PREPL: variants seen among roughly 807,000 people sequenced by gnomAD.
The protein encoded by PREPL is prolyl endopeptidase like, also known as prolyl endopeptidase-like.
Under a neutral mutation model 70.6 loss-of-function variants are expected in PREPL, and 77 were observed. The observed-to-expected ratio is 1.09, with a 90% CI of 0.91 to 1.32. The LOEUF (loss-of-function observed/expected upper bound fraction) is 1.32, where lower values mean the gene tolerates loss of function less well. PREPL is among the 40% of genes most tolerant of loss of function. PREPL has a pLI of 0.00. For missense variants in PREPL, 1,002 were observed against 778.2 expected, an observed-to-expected ratio of 1.29 and a Z score of -3.42; for synonymous variants, 315 against 264.8, an observed-to-expected ratio of 1.19 and a Z score of -1.84.
intron 1 of PREPL, among the ~76,000 whole-genome samples, chr2:44,360,989 G>C (rs755836001): frequency 6.6e-6 from 1 of 152,140 alleles, no homozygotes; most frequent in Non-Finnish European, 1.5e-5. Context: ...TGGGCGATTG[G>C]GGGTAGGGGA....
chr2:44,356,187 A>T (rs1473738999), intron 1 of PREPL: 1 of 152,216 alleles, frequency 6.6e-6, no homozygotes, highest in East Asian at 1.9e-4. Flanking sequence ...TCCAATTTCT[A>T]AATTCAGGTC....
At chr2:44,321,520 C>T in intron 13 of PREPL, 75 bp from the exon 14 acceptor site, 2 of 1,558,636 alleles carry the variant, frequency 1.3e-6, no homozygotes, top group East Asian at 2.3e-5. Context: ...TTCTCTTTAT[C>T]TATCCATCTT....
rs770711385 is a variant in PREPL at position 44,320,450 on chromosome 2, T to G, written c.*906A>C. The G allele has an allele frequency of 2.5e-6, 4 of 1,614,130 alleles. No individual in the cohort carries two copies. Among genetic ancestry groups the G allele is most frequent in the Non-Finnish European group, 3.4e-6 (4 of 1,179,974 alleles). On this transcript the variant is annotated 3_prime_UTR_variant, in exon 14 of 14. Transcript: ENST00000409411. ...CCGCTAAAATGAGAATAAGGTTAAG[T>G]ACCAATTCTGCCGACAAAGGCAGTA...
intron 7 of PREPL, among the ~76,000 whole-genome samples, chr2:44,333,403 C>T (rs758300276): frequency 3.3e-5 from 5 of 152,072 alleles, no homozygotes; most frequent in Non-Finnish European, 7.4e-5. Flanking sequence ...GTTGACAGAG[C>T]GTTAGAAATG....
rs7586188 is a variant in PREPL, at chr2:44,317,816, G to A, written c.*3540C>T. On this transcript the variant is annotated 3_prime_UTR_variant, in exon 14 of 14. Transcript: ENST00000409411. ...TAACTACAAATAAAATAGGGCTTCC[G>A]AATTATGTCTAAATAATACAATAAT... is the stretch of plus-strand genomic sequence containing the variant. 97,829 of 158,434 alleles carry A rather than the reference G, an allele frequency of 0.62. 30,723 individuals carry two copies. Among genetic ancestry groups the A allele is most frequent in the Non-Finnish European group, 0.67 (47,916 of 71,868 alleles). The allele number at this position is 158,434 out of a possible 1,614,324, so 9.8% of individuals were successfully genotyped here. A position where few individuals can be genotyped will look rare whatever the true frequency, so the allele number is the denominator to read the frequency against.
At chr2:44,359,729 C>G in intron 1 of PREPL, 1 of 1,548,870 alleles carries the variant, frequency 6.5e-7, no homozygotes, top group Non-Finnish European at 8.9e-7. Context: ...ATCAAAGTCC[C>G]TGGTTTATGC....
intron 5 of PREPL, 85 bp downstream of exon 5, chr2:44,342,332 A>G (rs1675311104): frequency 8.0e-7 from 1 of 1,253,276 alleles, no homozygotes; most frequent in Non-Finnish European, 1.1e-6. Context: ...AACCAAAATA[A>G]ACGTTTTAAG....
intron 12 of PREPL, among the ~76,000 whole-genome samples, chr2:44,322,508 G>A (rs1268683030): frequency 6.6e-6 from 1 of 152,086 alleles, no homozygotes; most frequent in Non-Finnish European, 1.5e-5. Flanking sequence ...TTTGTGTCCT[G>A]CCTATCTATT....
chr2:44,320,708 T>A lies in PREPL; in HGVS notation c.*648A>T. On this transcript the variant is annotated 3_prime_UTR_variant, in exon 14 of 14. Transcript: ENST00000409411. ...TGTAAGCATTTGTAATAGCTTCATGTACAGCATGCTGCTTGGTGAACAATC... is the reference window on the plus strand; with the variant it reads ...TGTAAGCATTTGTAATAGCTTCATGAACAGCATGCTGCTTGGTGAACAATC... 8.7e-7 allele frequency: 1 copy of A among 1,143,452 alleles called. No individual in the cohort carries two copies. The highest frequency in any genetic ancestry group is 1.3e-6 in the Non-Finnish European group (1 of 753,192). The allele number at this position is 1,143,452 out of a possible 1,614,324, so 70.8% of individuals were successfully genotyped here. A position where few individuals can be genotyped will look rare whatever the true frequency, so the allele number is the denominator to read the frequency against.
intron 1 of PREPL, chr2:44,359,560 A>C: frequency 1.2e-6 from 2 of 1,613,532 alleles, no homozygotes; most frequent in Non-Finnish European, 1.7e-6. Flanking sequence ...GTTTATTCTG[A>C]AGACACTTGG....
intron 9 of PREPL, among the ~76,000 whole-genome samples, chr2:44,328,302 T>G (rs1173011909): frequency 7.1e-6 from 1 of 141,782 alleles, no homozygotes; most frequent in East Asian, 2.0e-4. Context: ...GACAGTGTGG[T>G]GGTGTGCGCC....
rs1343842071 is a variant in PREPL at position 44,346,487 on chromosome 2, T to C, written c.-48-97A>G. 3.8e-6 allele frequency: 4 copies of C among 1,046,764 alleles called. No homozygotes were observed. In the African/African-American group the frequency reaches 4.8e-5, roughly 13 times the overall value. 64.8% of individuals were successfully genotyped at this position (1,046,764 alleles called of 1,614,324 possible). A position where few individuals can be genotyped will look rare whatever the true frequency, so the allele number is the denominator to read the frequency against. ...TAGGTCTATACCGTAGACTTAACGT[T>C]GTACAAAAAAGAAATAAGATTAAAT... On this transcript the variant is annotated intron_variant, in intron 1 of 13. Transcript: ENST00000409411.
intron 1 of PREPL, among the ~76,000 whole-genome samples, chr2:44,358,739 G>T (rs1180355343): frequency 1.3e-5 from 2 of 152,174 alleles, no homozygotes; most frequent in African/African-American, 4.8e-5. Flanking sequence ...CCCACAGCTT[G>T]GGGTCTGGCA....
At position 44,325,411 on chromosome 2, in the gene PREPL, C is replaced by G. The variant is rs571264974; in HGVS notation, c.1479+1301G>C. Among the ~76,000 whole-genome samples, 8 of 152,314 alleles carry G rather than the reference C, an allele frequency of 5.3e-5. 1 individual carries two copies. Among genetic ancestry groups the G allele is most frequent in the South Asian group, 4.1e-4 (2 of 4,820 alleles). ...TTGGGCCAATTCTATGCCTTTGGCT[C>G]TGAAGCCTCTAACACTGGTCTGAAG... On this transcript the variant is annotated intron_variant, in intron 10 of 13. Coordinates refer to ENST00000409411, the MANE Select transcript of PREPL (RefSeq NM_001171613.2).
At chr2:44,343,037 A>G (rs187539574) in intron 4 of PREPL, among the ~76,000 whole-genome samples, 2 of 152,354 alleles carry the variant, frequency 1.3e-5, no homozygotes, top group Admixed American at 1.3e-4. Context: ...AAGTTTGCAC[A>G]CAATTACACC....
rs759101706 is a variant in PREPL, at chr2:44,321,270, TATTA to T, written c.*82_*85del. Reference sequence around the variant, plus strand: ...AATTAATAACTTAAAAGTCTCAAGTTATTAATTTTTTTTTTGCTAACTCAATTGG... The same window carrying T: ...AATTAATAACTTAAAAGTCTCAAGTTATTTTTTTTTTGCTAACTCAATTGG... On this transcript the variant is annotated 3_prime_UTR_variant, in exon 14 of 14. Transcript: ENST00000409411. 4.7e-5 allele frequency: 54 copies of T among 1,156,524 alleles called. No homozygotes were observed. The highest frequency in any genetic ancestry group is 2.2e-4 in the Middle Eastern group (1 of 4,538). The allele number at this position is 1,156,524 out of a possible 1,614,324, so 71.6% of individuals were successfully genotyped here. A position where few individuals can be genotyped will look rare whatever the true frequency, so the allele number is the denominator to read the frequency against.
intron 10 of PREPL, 121 bp from the exon 11 acceptor site, chr2:44,323,532 A>T (rs12474294): frequency 1.2e-5 from 9 of 757,574 alleles, no homozygotes; most frequent in Non-Finnish European, 1.8e-5. Flanking sequence ...AGCCATGTAG[A>T]TTCCTAGGAG....
intron 7 of PREPL, among the ~76,000 whole-genome samples, chr2:44,336,636 A>G (rs778441113): frequency 6.6e-6 from 1 of 152,126 alleles, no homozygotes; most frequent in Non-Finnish European, 1.5e-5. Context: ...GTGGCAGACA[A>G]TTTATCTATT....
chr2:44,332,159 G>C (rs1033695461), intron 8 of PREPL, among the ~76,000 whole-genome samples: 1 of 151,906 alleles, frequency 6.6e-6, no homozygotes, highest in Non-Finnish European at 1.5e-5. Flanking sequence ...TGTTAGCCAG[G>C]ATGGTCTCGA....
Sources: gnomAD v4.1 joint callset for allele counts (sites outside exome capture counted in the v4.1 genomes callset) on GRCh38, gnomAD v4.1.1 for gene constraint, MANE v1.5 for transcripts, NCBI Gene and HGNC (gene_info 2026-07-23, HGNC 2026-07-21) for gene names.